Variants in SGCD observed in about 807,000 individuals in gnomAD.
The protein encoded by SGCD is delta-sarcoglycan.
SGCD carries 18 observed loss-of-function variants against 36.6 expected under a neutral mutation model. The observed-to-expected ratio is 0.49, with a 90% CI of 0.34 to 0.73. The LOEUF is 0.73. SGCD is among the 30% of genes least tolerant of loss of function. The pLI is 0.01. For synonymous variants in SGCD, 133 were observed against 130.6 expected (o/e 1.02, Z -0.12); for missense variants, 387 against 346.7 (o/e 1.12, Z -0.92).
Position 156,759,541 on chromosome 5 carries a change from T to G in SGCD, c.*151T>G, listed in dbSNP as rs934754578. 2 of 356,836 alleles carry G rather than the reference T, an allele frequency of 5.6e-6. No individual in the cohort carries two copies. Among genetic ancestry groups the G allele is most frequent in the Non-Finnish European group, 1.0e-5 (2 of 199,358 alleles). 22.1% of individuals were successfully genotyped at this position (356,836 alleles called of 1,614,324 possible). On this transcript the variant is annotated 3_prime_UTR_variant, in exon 9 of 9. Transcript: ENST00000337851. ...GTGTGCGTGCTTGAGTGTGTTCGCG[T>G]GTGTGGGTGGATATAAATATATATA...
intron 1 of SGCD, among the ~76,000 whole-genome samples, chr5:156,001,617 A>T (rs559179484): frequency 6.6e-6 from 1 of 152,332 alleles, no homozygotes; most frequent in South Asian, 2.1e-4. Context: ...TCTGTAAGAG[A>T]TGTTACTGAA....
At chr5:156,051,214 G>A (rs1490763141) in intron 1 of SGCD, among the ~76,000 whole-genome samples, 2 of 145,986 alleles carry the variant, frequency 1.4e-5, no homozygotes, top group Non-Finnish European at 3.1e-5. Context: ...GGAAAGAAAG[G>A]GGGAAAATAT....
intron 6 of SGCD, among the ~76,000 whole-genome samples, chr5:156,611,331 G>T (rs1402149200): frequency 6.6e-5 from 10 of 152,154 alleles, no homozygotes; most frequent in African/African-American, 2.2e-4. Flanking sequence ...TTTTGCTTGT[G>T]TGCAAAAGTC....
chr5:156,053,597 G>A (rs532927523), intron 1 of SGCD, among the ~76,000 whole-genome samples: 1 of 146,302 alleles, frequency 6.8e-6, no homozygotes, highest in South Asian at 2.2e-4. Context: ...TGGAGCTCTT[G>A]TGTGATTCCC....
At chr5:155,815,995 T>C in the SGCD span, among the ~76,000 whole-genome samples, 1 of 152,240 alleles carries the variant, frequency 6.6e-6, no homozygotes, top group South Asian at 2.1e-4. Context: ...GTTCAGTCCA[T>C]TGAGCAAATA....
intron 1 of SGCD, among the ~76,000 whole-genome samples, chr5:155,877,242 G>A (rs369123756): frequency 1.0e-3 from 153 of 152,168 alleles, no homozygotes; most frequent in African/African-American, 2.0e-3. Context: ...GGCCACATCC[G>A]TAAGCCCAGG....
At chr5:155,870,729 C>A (rs1755614686) in intron 1 of SGCD, among the ~76,000 whole-genome samples, 1 of 152,128 alleles carries the variant, frequency 6.6e-6, no homozygotes, top group Non-Finnish European at 1.5e-5. Context: ...GAAACCTGCT[C>A]CCATGTCAAA....
intron 6 of SGCD, among the ~76,000 whole-genome samples, chr5:156,602,937 A>AG (rs1480719420): frequency 1.3e-5 from 2 of 152,132 alleles, no homozygotes; most frequent in African/African-American, 4.8e-5. Context: ...TTTGATATCA[A>AG]GGTGATGCTG....
the SGCD span, among the ~76,000 whole-genome samples, chr5:155,865,270 C>T: frequency 7.4e-6 from 1 of 134,688 alleles, no homozygotes; most frequent in East Asian, 2.1e-4. Flanking sequence ...ATAATTTATA[C>T]ATTTTTTTAA....
chr5:156,173,537 G>GA (rs1217741022), intron 3 of SGCD, among the ~76,000 whole-genome samples: 2 of 151,882 alleles, frequency 1.3e-5, no homozygotes, highest in Admixed American at 6.6e-5. Context: ...ACATCCAGGG[G>GA]AAAAAAAGAG....
chr5:156,136,088 A>C (rs1241703757), intron 3 of SGCD, among the ~76,000 whole-genome samples: 1 of 152,002 alleles, frequency 6.6e-6, no homozygotes, highest in Admixed American at 6.6e-5. Context: ...CTTCCAATAC[A>C]TTACCTTCAA....
intron 1 of SGCD, among the ~76,000 whole-genome samples, chr5:156,071,465 T>A (rs1185801432): frequency 1.3e-5 from 2 of 152,324 alleles, no homozygotes; most frequent in Admixed American, 1.3e-4. Context: ...TAATCCTGAG[T>A]TCTAGTTTGA....
At chr5:156,029,408 A>G (rs2127575189) in intron 1 of SGCD, among the ~76,000 whole-genome samples, 1 of 152,284 alleles carries the variant, frequency 6.6e-6, no homozygotes, top group Middle Eastern at 3.4e-3. Flanking sequence ...CTTGTCATCC[A>G]TCCATTCATT....
chr5:156,226,874 T>C (rs1370919793), intron 3 of SGCD, among the ~76,000 whole-genome samples: 2 of 152,184 alleles, frequency 1.3e-5, no homozygotes, highest in African/African-American at 2.4e-5. Context: ...TTTGTATGTT[T>C]GTTGGCCATT....
At chr5:156,361,832 C>T (rs1204887547) in intron 3 of SGCD, among the ~76,000 whole-genome samples, 1 of 152,122 alleles carries the variant, frequency 6.6e-6, no homozygotes, top group Non-Finnish European at 1.5e-5. Context: ...AAGAGGTAAA[C>T]TAAAATAATT....
chr5:156,061,921 T>G, intron 1 of SGCD, among the ~76,000 whole-genome samples: 1 of 93,534 alleles, frequency 1.1e-5, no homozygotes, highest in East Asian at 2.7e-4. Flanking sequence ...AGTTTTCACT[T>G]TTTTTTTTTT....
intron 3 of SGCD, among the ~76,000 whole-genome samples, chr5:156,180,424 G>A (rs1056284498): frequency 3.9e-5 from 6 of 152,212 alleles, no homozygotes; most frequent in Admixed American, 3.9e-4. Flanking sequence ...AAATTTATCA[G>A]TATTCACAGC....
At chr5:155,806,491 G>T in the SGCD span, among the ~76,000 whole-genome samples, 1 of 152,178 alleles carries the variant, frequency 6.6e-6, no homozygotes, top group Non-Finnish European at 1.5e-5. Flanking sequence ...CTCCTCTTTA[G>T]AGTGATGTTA....
At chr5:156,495,918 GT>G (rs1416737344) in intron 3 of SGCD, among the ~76,000 whole-genome samples, 2 of 152,116 alleles carry the variant, frequency 1.3e-5, no homozygotes, top group Non-Finnish European at 2.9e-5. Flanking sequence ...ACAAGTTTCT[GT>G]TTCAGAACAA....
Sources: gnomAD v4.1 joint callset for allele counts (sites outside exome capture counted in the v4.1 genomes callset) on GRCh38, gnomAD v4.1.1 for gene constraint, MANE v1.5 for transcripts, NCBI Gene and HGNC (gene_info 2026-07-23, HGNC 2026-07-21) for gene names.